Variants in LINGO2 observed in about 807,000 individuals in gnomAD.
The protein encoded by LINGO2 is leucine-rich repeat and immunoglobulin-like domain-containing nogo receptor-interacting protein 2.
Under a neutral mutation model 30.6 loss-of-function variants are expected in LINGO2, and 14 were observed. The observed-to-expected ratio is 0.46, with a 90% confidence interval of 0.30 to 0.72. The LOEUF (loss-of-function observed/expected upper bound fraction) is 0.72. LINGO2 is among the 30% of genes least tolerant of loss of function. The pLI is 0.07. For synonymous variants in LINGO2, 317 were observed against 288.5 expected, an observed-to-expected ratio of 1.10 and a Z score of -1.00; for missense variants, 729 against 751.7, an observed-to-expected ratio of 0.97 and a Z score of 0.35.
At chr9:28,966,289 T>C in the LINGO2 span, among the ~76,000 whole-genome samples, 1 of 151,872 alleles carries the variant, frequency 6.6e-6, no homozygotes, top group Non-Finnish European at 1.5e-5. Context: ...CTCTTTACCT[T>C]TGAAGAACTA....
intron 4 of LINGO2, among the ~76,000 whole-genome samples, chr9:28,179,466 T>C (rs1025443717): frequency 2.0e-4 from 27 of 138,176 alleles, no homozygotes; most frequent in African/African-American, 5.6e-4. Flanking sequence ...ATAGTGTATA[T>C]ATACTATATA....
chr9:28,368,028 C>T lies in LINGO2; in HGVS notation c.-246+4808G>A, dbSNP rs1167514685. The stretch of plus-strand genomic sequence containing the variant: ...ACTTTTTTTCTTTCTCTTTGTCTCT[C>T]TCTATGTACATCTACCTCTATCTCT... On this transcript the variant is annotated intron_variant, in intron 3 of 5. Coordinates refer to ENST00000379992, the Ensembl canonical transcript of LINGO2. Among the ~76,000 whole-genome samples, 5 of 151,982 alleles carry T rather than the reference C, an allele frequency of 3.3e-5. No homozygotes were observed. In the East Asian group the frequency reaches 9.6e-4, roughly 29 times the overall value.
chr9:28,334,519 T>A (rs1366243136), intron 3 of LINGO2, among the ~76,000 whole-genome samples: 1 of 152,124 alleles, frequency 6.6e-6, no homozygotes, highest in African/African-American at 2.4e-5. Context: ...GGGGTTTTTA[T>A]GAGGAAAAAT....
At chr9:29,040,415 T>G in the LINGO2 span, among the ~76,000 whole-genome samples, 1 of 152,012 alleles carries the variant, frequency 6.6e-6, no homozygotes, top group Non-Finnish European at 1.5e-5. Context: ...CATTTTCCCT[T>G]TAAAACTGAG....
At chr9:28,375,422 G>A (rs1347441862) in intron 2 of LINGO2, among the ~76,000 whole-genome samples, 1 of 148,312 alleles carries the variant, frequency 6.7e-6, no homozygotes, top group Non-Finnish European at 1.5e-5. Context: ...ATGCCTGCAG[G>A]GCCTTGTTTA....
At chr9:28,088,168 G>A (rs1271379934) in intron 4 of LINGO2, among the ~76,000 whole-genome samples, 4 of 150,150 alleles carry the variant, frequency 2.7e-5, no homozygotes, top group Admixed American at 1.4e-4. Context: ...TAGGGTTTGA[G>A]GAGATGAAGA....
the LINGO2 span, among the ~76,000 whole-genome samples, chr9:28,840,356 G>A: frequency 6.6e-6 from 1 of 151,876 alleles, no homozygotes; most frequent in African/African-American, 2.4e-5. Flanking sequence ...GGCCACTGCT[G>A]CCATCAATAT....
chr9:28,174,898 C>T (rs973104652), intron 4 of LINGO2, among the ~76,000 whole-genome samples: 2 of 141,010 alleles, frequency 1.4e-5, no homozygotes, highest in African/African-American at 5.4e-5. Flanking sequence ...ATTTGTGTCT[C>T]TGTGTGTGTG....
chr9:28,871,054 T>C, the LINGO2 span, among the ~76,000 whole-genome samples: 3 of 151,918 alleles, frequency 2.0e-5, no homozygotes, highest in Non-Finnish European at 4.4e-5. Flanking sequence ...TGTTTACATT[T>C]GAGTAAAATA....
intron 3 of LINGO2, among the ~76,000 whole-genome samples, chr9:28,339,255 CTAA>C (rs146481632): frequency 1.6e-4 from 25 of 152,144 alleles, no homozygotes; most frequent in African/African-American, 6.0e-4. Context: ...ATGACTACTA[CTAA>C]TAATAACAGT....
intron 1 of LINGO2, among the ~76,000 whole-genome samples, chr9:28,563,230 A>G (rs1475709916): frequency 1.3e-5 from 2 of 152,112 alleles, no homozygotes; most frequent in Non-Finnish European, 2.9e-5. Flanking sequence ...CCTCAGAACT[A>G]ATAAAGGGAA....
the LINGO2 span, among the ~76,000 whole-genome samples, chr9:28,851,759 G>A: frequency 1.3e-5 from 2 of 151,892 alleles, no homozygotes; most frequent in Admixed American, 6.6e-5. Flanking sequence ...GAAGGGATAA[G>A]AAACACACTG....
intron 1 of LINGO2, among the ~76,000 whole-genome samples, chr9:28,616,326 C>A (rs1192086373): frequency 1.3e-5 from 2 of 152,046 alleles, no homozygotes; most frequent in Non-Finnish European, 2.9e-5. Flanking sequence ...CATGCACATA[C>A]ACACATGTGA....
At chr9:28,691,048 C>T in the LINGO2 span, among the ~76,000 whole-genome samples, 5 of 152,170 alleles carry the variant, frequency 3.3e-5, no homozygotes. Flanking sequence ...AGCTCAACAT[C>T]TGCTACACTC....
In LINGO2 at chr9:27,966,288, C is replaced by A. The variant is rs564228678; in HGVS notation, c.-35-15582G>T. On this transcript the variant is annotated intron_variant, in intron 5 of 5. Coordinates refer to ENST00000379992, the Ensembl canonical transcript of LINGO2. ...ACAAAGGAGGTAATCATACTCAGGG[C>A]AAAAATTCCTGCTAAGAAGTTACTT... Among the ~76,000 whole-genome samples, 26 of 152,098 alleles carry A rather than the reference C, an allele frequency of 1.7e-4. No homozygotes were observed. The East Asian group carries it at 3.5e-3, about 20-fold the overall frequency.
intron 2 of LINGO2, among the ~76,000 whole-genome samples, chr9:28,433,943 C>CTATATATATATATATA (rs1220018056): frequency 9.8e-5 from 5 of 50,870 alleles, no homozygotes; most frequent in African/African-American, 2.6e-4. Context: ...CTCTCTCTCT[C>CTATATATATATATATA]TCTCTCTATA....
chr9:28,150,328 C>T (rs566532754), intron 4 of LINGO2, among the ~76,000 whole-genome samples: 7 of 152,314 alleles, frequency 4.6e-5, no homozygotes, highest in Admixed American at 4.6e-4. Flanking sequence ...CTGCCCTCCC[C>T]AAGTTTGCAT....
chr9:28,070,000 G>C (rs548505209), intron 4 of LINGO2, among the ~76,000 whole-genome samples: 37 of 152,278 alleles, frequency 2.4e-4, no homozygotes, highest in African/African-American at 8.9e-4. Flanking sequence ...ACAGCAGATG[G>C]GCAGTGCAGA....
the LINGO2 span, chr9:27,941,107 A>C: frequency 6.6e-6 from 1 of 152,200 alleles, no homozygotes; most frequent in East Asian, 1.9e-4. Context: ...TTTTCAAGAA[A>C]TTCTCTCTCT....
Sources: gnomAD v4.1 joint callset for allele counts (sites outside exome capture counted in the v4.1 genomes callset) on GRCh38, gnomAD v4.1.1 for gene constraint, MANE v1.5 for transcripts, NCBI Gene and HGNC (gene_info 2026-07-23, HGNC 2026-07-21) for gene names.